Variants in SLC11A2 observed in about 807,000 individuals in gnomAD.
The protein encoded by SLC11A2 is natural resistance-associated macrophage protein 2.
SLC11A2 carries 38 observed loss-of-function variants against 68.0 expected under a neutral mutation model. That is an observed-to-expected ratio of 0.56 (90% CI 0.43 to 0.73). The LOEUF (loss-of-function observed/expected upper bound fraction) is 0.73, where lower values mean the gene tolerates loss of function less well. SLC11A2 is among the 30% of genes least tolerant of loss of function. SLC11A2 has a pLI of 0.00. For missense variants in SLC11A2, 517 were observed against 690.5 expected (o/e 0.75, Z 2.82); for synonymous variants, 242 against 250.6 (o/e 0.97, Z 0.32).
rs1565980924 is a variant in SLC11A2 at position 50,987,693 on chromosome 12, G to A, written c.*632C>T. The A allele has an allele frequency of 7.8e-7, 1 of 1,286,934 alleles. No individual in the cohort carries two copies. 79.7% of individuals were successfully genotyped at this position (1,286,934 alleles called of 1,614,324 possible). On this transcript the variant is annotated 3_prime_UTR_variant, in exon 16 of 16. Transcript: ENST00000262052. ...CGATGTGGTGCTGGTTTTGTTAGTTGTCAGTTTTTCCCCTTCTTTGTTTTC... is the reference window on the plus strand; with the variant it reads ...CGATGTGGTGCTGGTTTTGTTAGTTATCAGTTTTTCCCCTTCTTTGTTTTC...
At chr12:50,961,514 AT>A in the SLC11A2 span, among the ~76,000 whole-genome samples, 27,853 of 152,124 alleles carry the variant, frequency 0.18, 2,918 homozygotes, top group East Asian at 0.5. Context: ...GGAAGAAGAC[AT>A]TTTTAGAGTC....
intron 10 of SLC11A2, 85 bp downstream of exon 10, chr12:50,995,544 G>A (rs1437225278): frequency 1.3e-5 from 17 of 1,295,780 alleles, no homozygotes; most frequent in Admixed American, 1.7e-5. Context: ...ATTAACACTA[G>A]GATGAGGTAT....
chr12:51,026,872 A>G (rs1944416817), upstream of SLC11A2, among the ~76,000 whole-genome samples: 1 of 151,810 alleles, frequency 6.6e-6, no homozygotes, highest in African/African-American at 2.4e-5. Flanking sequence ...CTCTACAAAA[A>G]ATTTTAAAAT....
intron 3 of SLC11A2, chr12:51,006,043 C>T (rs1011209403): frequency 1.3e-5 from 3 of 226,034 alleles, no homozygotes; most frequent in Non-Finnish European, 2.6e-5. Context: ...CATGTAATCC[C>T]AGCACTTTGG....
chr12:51,028,116 A>C, upstream of SLC11A2: 72 of 1,041,662 alleles, frequency 6.9e-5, no homozygotes, highest in Non-Finnish European at 9.0e-5. Context: ...TAAAATTGCT[A>C]GAGCTGTACT....
rs760028045 is a variant in SLC11A2, at chr12:51,008,517, C to A, written c.142G>T (p.Ala48Ser). ...GAGATCTTCTCATTAAAGTAAGTGG[C>A]GAAGTACTCCTCTGAGTCCCCAGGG... ...QSPGDSEEYF[A>S]TYFNEKISIP... The change falls in exon 3 of 16, where the codon GCC (alanine) becomes TCC (serine). Residue 48 changes from alanine to serine, a missense_variant. Ala to Ser is a moderately conservative substitution (Grantham distance 99). Coordinates refer to ENST00000262052, the MANE Select transcript of SLC11A2 (RefSeq NM_000617.3). 4.0e-5 allele frequency: 64 copies of A among 1,612,894 alleles called. No homozygotes were observed. In the South Asian group the frequency reaches 5.9e-4, roughly 15 times the overall value.
chr12:50,957,522 G>A, the SLC11A2 span, among the ~76,000 whole-genome samples: 3 of 151,512 alleles, frequency 2.0e-5, no homozygotes, highest in East Asian at 3.9e-4. Flanking sequence ...TCTTTTAATC[G>A]ATCCTTACAT....
At chr12:50,995,467 T>C (rs1941615051) in intron 10 of SLC11A2, among the ~76,000 whole-genome samples, 162 bp downstream of exon 10, 1 of 152,170 alleles carries the variant, frequency 6.6e-6, no homozygotes, top group Admixed American at 6.5e-5. Flanking sequence ...CCCCATACTG[T>C]AGACTCTGAC....
At chr12:50,981,944 G>C, downstream of SLC11A2, 1 of 504,446 alleles carries the variant, frequency 2.0e-6, no homozygotes, top group Non-Finnish European at 3.5e-6. Flanking sequence ...GAAAAGAAAT[G>C]GCTTACAGAT....
chr12:51,002,871 C>T (rs552044833), intron 5 of SLC11A2, among the ~76,000 whole-genome samples: 82 of 150,884 alleles, frequency 5.4e-4, no homozygotes, highest in African/African-American at 1.9e-3. Flanking sequence ...ACCCAAGAGG[C>T]GGAGGTTGTG....
chr12:51,015,308 T>C (rs1254931139), intron 1 of SLC11A2, among the ~76,000 whole-genome samples: 5 of 151,316 alleles, frequency 3.3e-5, no homozygotes, highest in African/African-American at 4.9e-5. Context: ...AAACCCTGCC[T>C]CTACTAAAAA....
At chr12:51,017,422 GA>G (rs1943740303) in intron 1 of SLC11A2, among the ~76,000 whole-genome samples, 1 of 152,064 alleles carries the variant, frequency 6.6e-6, no homozygotes, top group Non-Finnish European at 1.5e-5. Flanking sequence ...AGAAAAAAGA[GA>G]AAACACACAC....
chr12:50,952,468 C>T, the SLC11A2 span, among the ~76,000 whole-genome samples: 4 of 152,100 alleles, frequency 2.6e-5, no homozygotes, highest in South Asian at 2.1e-4. Context: ...CGGAGGGAGG[C>T]GGTGAGCAAG....
At chr12:51,027,169 T>C (rs762547726), upstream of SLC11A2, among the ~76,000 whole-genome samples, 127 of 68,650 alleles carry the variant, frequency 1.8e-3, no homozygotes, top group Non-Finnish European at 2.9e-3. Context: ...GAGCGAAAAC[T>C]CCGTCTAAAA....
At chr12:51,020,451 A>G (rs576297638) in intron 1 of SLC11A2, among the ~76,000 whole-genome samples, 2 of 152,318 alleles carry the variant, frequency 1.3e-5, no homozygotes, top group East Asian at 3.9e-4. Context: ...GTAAGTATTC[A>G]TTTTAGAAAA....
At chr12:51,013,914 C>A (rs746737362) in intron 1 of SLC11A2, among the ~76,000 whole-genome samples, 1 of 151,854 alleles carries the variant, frequency 6.6e-6, no homozygotes, top group Non-Finnish European at 1.5e-5. Flanking sequence ...CTCCGCCTCC[C>A]GGGTTCAAGC....
At chr12:51,004,390 T>G (rs999642460) in intron 5 of SLC11A2, among the ~76,000 whole-genome samples, 1 of 152,160 alleles carries the variant, frequency 6.6e-6, no homozygotes, top group African/African-American at 2.4e-5. Flanking sequence ...AAAAAATTAC[T>G]TTTTCAAAGT....
In SLC11A2 at chr12:50,994,611, G is replaced by C. The variant is rs375554406; in HGVS notation, c.1010C>G (p.Thr337Ser). 24 of 1,611,810 alleles carry C rather than the reference G, an allele frequency of 1.5e-5. No homozygotes were observed. The highest frequency in any genetic ancestry group is 5.0e-5 in the Admixed American group (3 of 60,000). ...NEQVVEVCTN[T>S]SSPHAGLFPK... ...AAAGAGGCCAGCATGAGGACTGCTG[G>C]TATTTGTACAGACTTCAACCTAGAA... The change falls in exon 11 of 16, where the codon ACC (threonine) becomes AGC (serine). Residue 337 changes from threonine to serine, a missense_variant. Coordinates refer to ENST00000262052, the MANE Select transcript of SLC11A2 (RefSeq NM_000617.3).
At chr12:50,989,640 A>G (rs72563144) in intron 15 of SLC11A2, among the ~76,000 whole-genome samples, 2,828 of 152,298 alleles carry the variant, frequency 0.019, 74 homozygotes, top group African/African-American at 0.064. Context: ...TCAAGGACAC[A>G]TTCAGTTACT....
Sources: gnomAD v4.1 joint callset for allele counts (sites outside exome capture counted in the v4.1 genomes callset) on GRCh38, gnomAD v4.1.1 for gene constraint, MANE v1.5 for transcripts, NCBI Gene and HGNC (gene_info 2026-07-23, HGNC 2026-07-21) for gene names.